DYNC1I1: variants seen among roughly 807,000 people sequenced by gnomAD.
DYNC1I1 encodes dynein cytoplasmic 1 intermediate chain 1.
In DYNC1I1, 43 loss-of-function variants were observed where a neutral mutation model predicts 86.6. That is an observed-to-expected ratio of 0.50 (90% CI 0.39 to 0.64). The LOEUF (loss-of-function observed/expected upper bound fraction) is 0.64, where lower values mean the gene tolerates loss of function less well. DYNC1I1 is among the 30% of genes least tolerant of loss of function. The probability of loss-of-function intolerance (pLI) is 0.00; values close to 1 mark genes in which losing one functional copy is unlikely to be tolerated. For synonymous variants in DYNC1I1, 262 were observed against 283.7 expected, an observed-to-expected ratio of 0.92 and a Z score of 0.77; for missense variants, 604 against 788.8, an observed-to-expected ratio of 0.77 and a Z score of 2.81.
intron 6 of DYNC1I1, among the ~76,000 whole-genome samples, chr7:95,967,793 G>A (rs1003330029): frequency 1.3e-5 from 2 of 152,186 alleles, no homozygotes; most frequent in Non-Finnish European, 2.9e-5. Context: ...AACAGGAAAA[G>A]AAGAAGGGAG....
intron 4 of DYNC1I1, among the ~76,000 whole-genome samples, chr7:95,814,229 A>G (rs914988885): frequency 3.3e-5 from 5 of 152,194 alleles, no homozygotes; most frequent in African/African-American, 1.2e-4. Flanking sequence ...GAGAAGCTAC[A>G]AATTCAGATA....
At chr7:95,908,463 C>T (rs946739640) in intron 6 of DYNC1I1, among the ~76,000 whole-genome samples, 1 of 152,038 alleles carries the variant, frequency 6.6e-6, no homozygotes, top group Non-Finnish European at 1.5e-5. Context: ...GCCTTTTGTA[C>T]CAGAAAACAG....
intron 14 of DYNC1I1, among the ~76,000 whole-genome samples, chr7:96,048,912 C>T (rs967049914): frequency 4.0e-4 from 61 of 152,134 alleles, no homozygotes; most frequent in African/African-American, 1.4e-3. Context: ...GCTTTCTCCT[C>T]TTCTTAATCT....
chr7:96,023,606 C>T (rs749334358), intron 10 of DYNC1I1, among the ~76,000 whole-genome samples: 1 of 152,108 alleles, frequency 6.6e-6, no homozygotes. Flanking sequence ...GGAGACATTC[C>T]AAGCTGAATC....
intron 5 of DYNC1I1, among the ~76,000 whole-genome samples, chr7:95,836,917 C>A (rs1789110393): frequency 6.6e-6 from 1 of 151,712 alleles, no homozygotes; most frequent in African/African-American, 2.4e-5. Context: ...GTTTGAATGT[C>A]CTCCCGTAGC....
chr7:95,855,691 T>C (rs1789701606), intron 5 of DYNC1I1, among the ~76,000 whole-genome samples: 1 of 152,214 alleles, frequency 6.6e-6, no homozygotes, highest in Non-Finnish European at 1.5e-5. Flanking sequence ...CTGTATGACA[T>C]GTTACTATAT....
chr7:95,825,430 A>T (rs1795183937), intron 4 of DYNC1I1, among the ~76,000 whole-genome samples: 1 of 152,228 alleles, frequency 6.6e-6, no homozygotes, highest in South Asian at 2.1e-4. Flanking sequence ...AGCAAGAGCC[A>T]GAGTCTGCTC....
At chr7:95,992,393 A>G (rs1018841220) in intron 9 of DYNC1I1, among the ~76,000 whole-genome samples, 3 of 152,138 alleles carry the variant, frequency 2.0e-5, no homozygotes. Context: ...AGGAAAGGAG[A>G]AGGCTTTTGA....
At chr7:96,093,455 T>C (rs1035648126) in intron 16 of DYNC1I1, among the ~76,000 whole-genome samples, 2 of 152,202 alleles carry the variant, frequency 1.3e-5, no homozygotes, top group African/African-American at 4.8e-5. Flanking sequence ...CTTAGTTTCA[T>C]TGGCTGTAAA....
chr7:95,952,600 C>T lies in DYNC1I1; in HGVS notation c.491-24912C>T, dbSNP rs75116025. 3.0e-3 allele frequency among the ~76,000 whole-genome samples: 462 copies of T among 152,292 alleles called. 4 individuals are homozygous for T. Among genetic ancestry groups the T allele is most frequent in the African/African-American group, 0.011 (437 of 41,558 alleles). ...AATCTTCAACCAGCCCAAGGGTGCA[C>T]GTGGCCCTGCTCAGTGCTTTTACGC... is the stretch of plus-strand genomic sequence containing the variant. On this transcript the variant is annotated intron_variant, in intron 6 of 16. Transcript: ENST00000447467.
chr7:95,885,708 A>G (rs914728011), intron 6 of DYNC1I1, among the ~76,000 whole-genome samples: 3 of 152,040 alleles, frequency 2.0e-5, no homozygotes, highest in Non-Finnish European at 4.4e-5. Flanking sequence ...GCTCTTTTCA[A>G]ATTCCTAGCT....
At chr7:95,782,012 G>A (rs144451682) in intron 1 of DYNC1I1, among the ~76,000 whole-genome samples, 14 of 152,276 alleles carry the variant, frequency 9.2e-5, no homozygotes, top group African/African-American at 3.1e-4. Context: ...TCTTGGCCAC[G>A]TTACATGTCC....
At chr7:95,853,897 T>C (rs2600563) in intron 5 of DYNC1I1, among the ~76,000 whole-genome samples, 108,985 of 152,126 alleles carry the variant, frequency 0.72, 40,779 homozygotes, top group Non-Finnish European at 0.84. Flanking sequence ...TATCCTCATA[T>C]GATGACCTTC....
At chr7:95,937,909 T>C (rs1310861783) in intron 6 of DYNC1I1, among the ~76,000 whole-genome samples, 1 of 152,076 alleles carries the variant, frequency 6.6e-6, no homozygotes, top group Non-Finnish European at 1.5e-5. Context: ...GTATGTATAA[T>C]ATATACTTAT....
downstream of DYNC1I1, among the ~76,000 whole-genome samples, chr7:96,100,563 G>T (rs1328024958): frequency 6.6e-6 from 1 of 152,000 alleles, no homozygotes; most frequent in Non-Finnish European, 1.5e-5. Flanking sequence ...AGCCCGGGGA[G>T]TAGCACTGGG....
chr7:96,100,650 T>G (rs945528580), downstream of DYNC1I1, among the ~76,000 whole-genome samples: 1 of 142,848 alleles, frequency 7.0e-6, no homozygotes. Context: ...TTTGAGGGTT[T>G]TGTGTGTGTG....
At chr7:95,947,304 G>C (rs1261796832) in intron 6 of DYNC1I1, among the ~76,000 whole-genome samples, 1 of 152,160 alleles carries the variant, frequency 6.6e-6, no homozygotes, top group Admixed American at 6.5e-5. Flanking sequence ...GTGTGTGTTA[G>C]TATGTGTCAT....
chr7:96,061,289 G>C (rs1789757462), intron 14 of DYNC1I1, among the ~76,000 whole-genome samples: 1 of 152,170 alleles, frequency 6.6e-6, no homozygotes, highest in African/African-American at 2.4e-5. Flanking sequence ...GCCCTGGACT[G>C]TCTTGTCAAA....
intron 5 of DYNC1I1, 75 bp from the exon 6 acceptor site, chr7:95,869,808 C>T (rs1790114153): frequency 4.3e-6 from 6 of 1,398,198 alleles, no homozygotes; most frequent in Non-Finnish European, 6.0e-6. Context: ...TGTTTTAGTG[C>T]TTTCTTTTAT....
Sources: gnomAD v4.1 joint callset for allele counts (sites outside exome capture counted in the v4.1 genomes callset) on GRCh38, gnomAD v4.1.1 for gene constraint, MANE v1.5 for transcripts, NCBI Gene and HGNC (gene_info 2026-07-23, HGNC 2026-07-21) for gene names.